Variants in PLAAT5 observed in about 807,000 individuals in gnomAD.
PLAAT5 encodes the protein Ca(2+)-independent N-acyltransferase.
In PLAAT5, 27 loss-of-function variants were observed where a neutral mutation model predicts 27.8. The ratio of observed to expected loss-of-function variants is 0.97; its 90% CI spans 0.72 to 1.34. The LOEUF is 1.34. Among genes scored for constraint, PLAAT5 ranks in the 40% most tolerant of loss-of-function variants. PLAAT5 has a pLI of 0.00. For synonymous variants in PLAAT5, 125 were observed against 136.1 expected (o/e 0.92, Z 0.57); for missense variants, 368 against 343.8 (o/e 1.07, Z -0.56).
chr11:63,483,473 A>G (rs2016332645), intron 3 of PLAAT5, among the ~76,000 whole-genome samples: 1 of 151,818 alleles, frequency 6.6e-6, no homozygotes, highest in South Asian at 2.1e-4. Context: ...AACTATACAA[A>G]TACAAGGAAA....
At chr11:63,473,570 GA>G (rs1351271653) in intron 3 of PLAAT5, among the ~76,000 whole-genome samples, 2 of 152,236 alleles carry the variant, frequency 1.3e-5, no homozygotes, top group Admixed American at 6.5e-5. Context: ...TCAAGTTGAG[GA>G]AACTCCCTTT....
Position 63,463,531 on chromosome 11 carries a change from C to G in PLAAT5, c.782G>C (p.Ser261Thr). ...AGAVISAVVDSIKPKPITA is the reference protein window; with the variant it reads ...AGAVISAVVDTIKPKPITA ...GGCAGTTATTGGTTTGGGCTTTATG[C>G]TATCCACTACAGCTGAAATAACTGC... Residue 261 changes from serine to threonine, a missense_variant, in exon 6 of 6, where the codon AGC (serine) becomes ACC (threonine). Ser to Thr is a moderately conservative substitution (Grantham distance 58). Coordinates refer to ENST00000540857, the MANE Select transcript of PLAAT5 (RefSeq NM_001146729.2). 6.2e-7 allele frequency: 1 copy of G among 1,613,838 alleles called. No individual in the cohort carries two copies. The highest frequency in any genetic ancestry group is 8.5e-7 in the Non-Finnish European group (1 of 1,179,980).
chr11:63,483,831 A>ATG lies in PLAAT5; in HGVS notation c.345+5039_345+5040insCA, dbSNP rs1198211843. 4.9e-5 allele frequency among the ~76,000 whole-genome samples: 6 copies of ATG among 121,798 alleles called. 1 individual carries two copies. The highest frequency in any genetic ancestry group is 1.1e-4 in the Non-Finnish European group (6 of 55,604). The allele number at this position is 121,798 out of a possible 152,430, so 79.9% of individuals were successfully genotyped here. A position where few individuals can be genotyped will look rare whatever the true frequency, so the allele number is the denominator to read the frequency against. ...TATATATATATATATATATATATATATATATATATATACACATATATATAT... is the reference window on the plus strand; with the variant it reads ...TATATATATATATATATATATATATATGTATATATATATACACATATATATAT... On this transcript the variant is annotated intron_variant, in intron 3 of 5. Transcript: ENST00000540857.
chr11:63,463,295 G>T lies in PLAAT5; in HGVS notation c.*208C>A. On this transcript the variant is annotated 3_prime_UTR_variant, in exon 6 of 6. Transcript: ENST00000540857. Reference sequence around the variant, plus strand: ...CCTGGCGCATAAGAGATACACACTAGATACCAGATCCTTCCCATCCTGAGA... The same window carrying T: ...CCTGGCGCATAAGAGATACACACTATATACCAGATCCTTCCCATCCTGAGA... The T allele has an allele frequency of 1.7e-6, 1 of 595,264 alleles. No individual in the cohort carries two copies. Among genetic ancestry groups the T allele is most frequent in the East Asian group, 2.8e-5 (1 of 36,168 alleles). 36.9% of individuals were successfully genotyped at this position (595,264 alleles called of 1,614,324 possible). A position where few individuals can be genotyped will look rare whatever the true frequency, so the allele number is the denominator to read the frequency against.
In PLAAT5 at chr11:63,463,725, C is replaced by A. The variant is rs112470751; in HGVS notation, c.718-130G>T. 2.8e-4 allele frequency: 194 copies of A among 689,258 alleles called. No homozygotes were observed. The African/African-American group carries it at 2.9e-3, about 10-fold the overall frequency. The allele number at this position is 689,258 out of a possible 1,614,324, so 42.7% of individuals were successfully genotyped here. On this transcript the variant is annotated intron_variant, in intron 5 of 5. Coordinates refer to ENST00000540857, the MANE Select transcript of PLAAT5 (RefSeq NM_001146729.2). ...TCTATTCCCAAGAGAAGAAGCAGTC[C>A]ATGCTATCTTATATTTTCAAAACTC...
chr11:63,466,102 G>A lies in PLAAT5; in HGVS notation c.717+8C>T. ...AAGAAGCCATCATCAGAGCAAATGG[G>A]GTCACACCTGCTGGCTCCGGGGTAC... is the stretch of plus-strand genomic sequence containing the variant. On this transcript the variant is annotated splice_region_variant and intron_variant, in intron 5 of 5. Transcript: ENST00000540857. The A allele has an allele frequency of 1.9e-6, 3 of 1,612,340 alleles. No homozygotes were observed. The highest frequency in any genetic ancestry group is 2.5e-6 in the Non-Finnish European group (3 of 1,179,170).
chr11:63,473,117 CA>C (rs879881991), intron 3 of PLAAT5, among the ~76,000 whole-genome samples: 212 of 136,266 alleles, frequency 1.6e-3, no homozygotes, highest in East Asian at 2.5e-3. Flanking sequence ...GACTCTGCCT[CA>C]AAAAAAAAAA....
At chr11:63,463,824 G>T (rs1002550959) in intron 5 of PLAAT5, among the ~76,000 whole-genome samples, 1 of 152,206 alleles carries the variant, frequency 6.6e-6, no homozygotes, top group Non-Finnish European at 1.5e-5. Context: ...TGTGCCATTT[G>T]GCCCAGGGTC....
rs142202359 is a variant in PLAAT5 at position 63,466,233 on chromosome 11, C to T, written c.594G>A (p.Pro198=). ...TTGTACGCTGGATGATCTTGTCCAC[C>T]GGCAAGGGCAGGTACGTCCCATCTA... ...NKLDGTYLPL[P]VDKIIQRTKK... is the part of the protein sequence containing the mutation. The change falls in exon 5 of 6, where the codon CCG becomes CCA. Residue 198 remains proline, a synonymous_variant. Transcript: ENST00000540857. The T allele has an allele frequency of 2.8e-4, 459 of 1,614,082 alleles. 2 individuals are homozygous for T. In the African/African-American group the frequency reaches 5.2e-3, roughly 18 times the overall value.
At chr11:63,464,870 T>A (rs1354020040) in intron 5 of PLAAT5, among the ~76,000 whole-genome samples, 1 of 152,010 alleles carries the variant, frequency 6.6e-6, no homozygotes, top group East Asian at 1.9e-4. Flanking sequence ...GTAATGTGAG[T>A]GAGGCAGGTG....
intron 3 of PLAAT5, among the ~76,000 whole-genome samples, chr11:63,483,795 A>ATATGTG (rs1402505227): frequency 1.5e-4 from 9 of 58,534 alleles, no homozygotes; most frequent in East Asian, 5.3e-4. Context: ...ATATATATAT[A>ATATGTG]TATATGTATA....
At chr11:63,473,643 A>G (rs2016083032) in intron 3 of PLAAT5, among the ~76,000 whole-genome samples, 1 of 151,710 alleles carries the variant, frequency 6.6e-6, no homozygotes, top group Non-Finnish European at 1.5e-5. Context: ...TGCTTTTTCC[A>G]GAGGTATTGA....
intron 3 of PLAAT5, among the ~76,000 whole-genome samples, chr11:63,472,576 C>T (rs180787182): frequency 1.2e-4 from 19 of 152,292 alleles, no homozygotes; most frequent in Middle Eastern, 3.4e-3. Flanking sequence ...GCAGATATTT[C>T]GCAATCCACA....
intron 4 of PLAAT5, among the ~76,000 whole-genome samples, chr11:63,467,123 A>G (rs2015886989): frequency 6.6e-6 from 1 of 152,192 alleles, no homozygotes; most frequent in Non-Finnish European, 1.5e-5. Context: ...CCTTCCCTTT[A>G]TAAGTTGTCC....
chr11:63,463,425 G>A lies in PLAAT5; in HGVS notation c.*78C>T. On this transcript the variant is annotated 3_prime_UTR_variant, in exon 6 of 6. Transcript: ENST00000540857. ...CACAATTTTCTTAATCGGAGCCATT[G>A]AGAGAAGGCAAGGGAAGGAAGCATG... 9.2e-7 allele frequency: 1 copy of A among 1,085,862 alleles called. No homozygotes were observed. The highest frequency in any genetic ancestry group is 1.4e-6 in the Non-Finnish European group (1 of 709,126). The allele number at this position is 1,085,862 out of a possible 1,614,324, so 67.3% of individuals were successfully genotyped here.
intron 1 of PLAAT5, chr11:63,490,571 G>A: frequency 1.5e-6 from 1 of 662,796 alleles, no homozygotes; most frequent in Non-Finnish European, 2.5e-6. Context: ...GGGAGAGGAT[G>A]AAGAAGGGCG....
Position 63,488,938 on chromosome 11 carries a change from T to C in PLAAT5, c.278A>G (p.Gln93Arg). The change falls in exon 3 of 6, where the codon CAG (glutamine) becomes CGG (arginine). Residue 93 changes from glutamine (Q) to arginine (R), a missense_variant. Gln to Arg is a conservative substitution (Grantham distance 43). Coordinates refer to ENST00000540857, the MANE Select transcript of PLAAT5 (RefSeq NM_001146729.2). ...TGGAATTGAACTCCAGTCTGCTTTC[T>C]GGCTGGGTGTGGTCTCCAAGCTAAC... is the stretch of plus-strand genomic sequence containing the variant. ...AVVSLETTPS[Q>R]KADWSSIPKP... 1.9e-6 allele frequency: 3 copies of C among 1,613,836 alleles called. No homozygotes were observed. Among genetic ancestry groups the C allele is most frequent in the South Asian group, 1.1e-5 (1 of 91,042 alleles).
intron 5 of PLAAT5, among the ~76,000 whole-genome samples, chr11:63,465,194 G>A (rs753739372): frequency 1.3e-5 from 2 of 151,930 alleles, no homozygotes; most frequent in African/African-American, 2.4e-5. Flanking sequence ...CAGGAGAATC[G>A]CTTGAACCCA....
At chr11:63,474,782 C>T (rs998762968) in intron 3 of PLAAT5, among the ~76,000 whole-genome samples, 2 of 151,804 alleles carry the variant, frequency 1.3e-5, no homozygotes, top group Non-Finnish European at 2.9e-5. Flanking sequence ...TTTTTCCTTT[C>T]TAATACAGGC....
Sources: allele counts gnomAD v4.1 joint callset (sites outside exome capture counted in the v4.1 genomes callset), GRCh38; gene constraint gnomAD v4.1.1; transcripts MANE v1.5; gene names NCBI Gene and HGNC (gene_info 2026-07-23, HGNC 2026-07-21).